The following SORCS3 variants were observed in gnomAD, a reference collection of about 807,000 sequenced individuals.
SORCS3 encodes the protein VPS10 domain-containing receptor SorCS3.
In SORCS3, 57 loss-of-function variants were observed where a neutral mutation model predicts 146.3. The observed-to-expected ratio is 0.39, with a 90% CI of 0.31 to 0.49. The LOEUF is 0.49. Ranked by LOEUF, SORCS3 falls within the 20% of genes least tolerant of loss-of-function variation. The pLI is 0.92. For synonymous variants in SORCS3, 653 were observed against 618.5 expected, an observed-to-expected ratio of 1.06 and a Z score of -0.83; for missense variants, 1,341 against 1,575.5, an observed-to-expected ratio of 0.85 and a Z score of 2.52.
chr10:105,174,206 C>A (rs2056381705), intron 13 of SORCS3, among the ~76,000 whole-genome samples: 1 of 152,040 alleles, frequency 6.6e-6, no homozygotes, highest in African/African-American at 2.4e-5. Context: ...TCCTATGTTG[C>A]CACTATTTGG....
At chr10:105,209,220 T>C (rs562403340) in intron 16 of SORCS3, among the ~76,000 whole-genome samples, 3 of 152,156 alleles carry the variant, frequency 2.0e-5, no homozygotes, top group African/African-American at 2.4e-5. Flanking sequence ...TGGTTCACTG[T>C]AACTTCCACC....
chr10:104,923,329 C>T (rs2019106928), intron 3 of SORCS3, among the ~76,000 whole-genome samples: 3 of 152,082 alleles, frequency 2.0e-5, no homozygotes, highest in African/African-American at 7.2e-5. Flanking sequence ...TACATGTTGG[C>T]TGGCCAAGCC....
intron 3 of SORCS3, among the ~76,000 whole-genome samples, chr10:104,951,413 A>G (rs1326885789): frequency 1.3e-5 from 2 of 152,012 alleles, no homozygotes; most frequent in Non-Finnish European, 2.9e-5. Context: ...GCTCACTATA[A>G]CCTCTAGCTC....
intron 1 of SORCS3, among the ~76,000 whole-genome samples, chr10:104,746,760 T>G (rs1391774145): frequency 6.6e-6 from 1 of 152,218 alleles, no homozygotes; most frequent in Admixed American, 6.5e-5. Context: ...GATAATGTGA[T>G]ATTTGTCTTT....
At chr10:104,866,670 A>G (rs902941573) in intron 2 of SORCS3, among the ~76,000 whole-genome samples, 1 of 152,232 alleles carries the variant, frequency 6.6e-6, no homozygotes, top group Non-Finnish European at 1.5e-5. Context: ...ATTGAAATTT[A>G]AGTGTCTCTT....
At chr10:104,707,453 C>T (rs952714416) in intron 1 of SORCS3, among the ~76,000 whole-genome samples, 17 of 152,130 alleles carry the variant, frequency 1.1e-4, no homozygotes, top group African/African-American at 3.4e-4. Context: ...TCTAAAGACC[C>T]TCACTGAACC....
chr10:105,098,775 G>A (rs371264683), intron 6 of SORCS3, among the ~76,000 whole-genome samples: 12 of 152,334 alleles, frequency 7.9e-5, no homozygotes, highest in African/African-American at 2.9e-4. Context: ...CATTGTCATT[G>A]TCATCATGAT....
chr10:105,251,175 C>A (rs1241199633), intron 22 of SORCS3, among the ~76,000 whole-genome samples: 1 of 152,052 alleles, frequency 6.6e-6, no homozygotes, highest in Non-Finnish European at 1.5e-5. Flanking sequence ...GCTGGGGAGG[C>A]CTCAGGAAAC....
chr10:105,262,940 T>C lies in SORCS3; in HGVS notation c.3605-370T>C, dbSNP rs79493629. ...AGTAGTAGTACTTATGATTCATTTCTATTTCTGTGTAGTACCTAAAAAAAA... is the reference window on the plus strand; with the variant it reads ...AGTAGTAGTACTTATGATTCATTTCCATTTCTGTGTAGTACCTAAAAAAAA... On this transcript the variant is annotated intron_variant, in intron 26 of 26. Coordinates refer to ENST00000369701, the MANE Select transcript of SORCS3 (RefSeq NM_014978.3). Among the ~76,000 whole-genome samples, 525 of 152,340 alleles carry C rather than the reference T, an allele frequency of 3.4e-3. 17 individuals carry two copies. The East Asian group carries it at 0.077, about 22-fold the overall frequency.
chr10:104,969,044 G>A lies in SORCS3; in HGVS notation c.796-8291G>A, dbSNP rs751205472. On this transcript the variant is annotated intron_variant, in intron 3 of 26. Coordinates refer to ENST00000369701, the MANE Select transcript of SORCS3 (RefSeq NM_014978.3). ...ACAAGAAAAATTTGGGTGGACATGG[G>A]ATGATTTTCTTTATAGATTTGGTAC... is the stretch of plus-strand genomic sequence containing the variant. 6.6e-5 allele frequency among the ~76,000 whole-genome samples: 10 copies of A among 152,154 alleles called. 1 individual carries two copies. Among genetic ancestry groups the A allele is most frequent in the Non-Finnish European group, 1.5e-4 (10 of 68,028 alleles).
At chr10:104,942,945 A>G (rs1409595965) in intron 3 of SORCS3, among the ~76,000 whole-genome samples, 3 of 152,202 alleles carry the variant, frequency 2.0e-5, no homozygotes, top group Admixed American at 2.0e-4. Context: ...GGTTCTAGTC[A>G]GTGCAAAATG....
intron 1 of SORCS3, among the ~76,000 whole-genome samples, chr10:104,678,682 T>C (rs60283335): frequency 0.013 from 1,920 of 152,316 alleles, 42 homozygotes; most frequent in African/African-American, 0.042. Context: ...CAGTAGAGTA[T>C]GATATGCTCA....
chr10:104,844,179 A>G (rs1330752812), intron 2 of SORCS3, among the ~76,000 whole-genome samples: 2 of 152,196 alleles, frequency 1.3e-5, no homozygotes, highest in Admixed American at 6.5e-5. Context: ...TGGCAGAGGT[A>G]TAAGTAACTA....
At chr10:105,173,282 A>G (rs2056374393) in intron 13 of SORCS3, among the ~76,000 whole-genome samples, 1 of 152,152 alleles carries the variant, frequency 6.6e-6, no homozygotes, top group South Asian at 2.1e-4. Flanking sequence ...ACTGTACTCC[A>G]GCCTGGCAAC....
intron 6 of SORCS3, among the ~76,000 whole-genome samples, chr10:105,102,844 C>T (rs550384650): frequency 2.3e-5 from 3 of 129,366 alleles, no homozygotes; most frequent in African/African-American, 8.9e-5. Flanking sequence ...GGCTGGAGTA[C>T]CGTGGCGCGA....
intron 1 of SORCS3, among the ~76,000 whole-genome samples, chr10:104,689,735 C>T (rs566936295): frequency 6.6e-6 from 1 of 152,298 alleles, no homozygotes; most frequent in South Asian, 2.1e-4. Flanking sequence ...TCAGCTGCTT[C>T]ACCATCATAT....
At chr10:105,075,294 C>A (rs1252937652) in intron 5 of SORCS3, among the ~76,000 whole-genome samples, 1 of 152,198 alleles carries the variant, frequency 6.6e-6, no homozygotes, top group South Asian at 2.1e-4. Flanking sequence ...TTAAGTGACT[C>A]AGCTTTCTGA....
chr10:105,196,991 T>C (rs2056547819), intron 14 of SORCS3, among the ~76,000 whole-genome samples: 1 of 152,168 alleles, frequency 6.6e-6, no homozygotes, highest in African/African-American at 2.4e-5. Flanking sequence ...CAGGTGTTCT[T>C]TGGCTTGGGC....
intron 1 of SORCS3, among the ~76,000 whole-genome samples, chr10:104,687,746 G>A (rs146724844): frequency 6.6e-6 from 1 of 152,268 alleles, no homozygotes; most frequent in East Asian, 1.9e-4. Flanking sequence ...GGGCTGGAAG[G>A]CACAGGCTCT....
Sources: allele counts gnomAD v4.1 joint callset (sites outside exome capture counted in the v4.1 genomes callset), GRCh38; gene constraint gnomAD v4.1.1; transcripts MANE v1.5; gene names NCBI Gene and HGNC (gene_info 2026-07-23, HGNC 2026-07-21).